The following CACNA2D3 variants were observed in gnomAD, a reference collection of about 807,000 sequenced individuals.
CACNA2D3 encodes the protein voltage-dependent calcium channel subunit alpha-2/delta-3.
In CACNA2D3, 60 loss-of-function variants were observed where a neutral mutation model predicts 160.6. That is an observed-to-expected ratio of 0.37 (90% CI 0.30 to 0.46). The LOEUF (loss-of-function observed/expected upper bound fraction) is 0.46. CACNA2D3 is among the 20% of genes least tolerant of loss of function. The pLI is 1.00. For synonymous variants in CACNA2D3, 558 were observed against 492.9 expected (o/e 1.13, Z -1.75); for missense variants, 1,205 against 1,365.0 (o/e 0.88, Z 1.85).
intron 2 of CACNA2D3, among the ~76,000 whole-genome samples, chr3:54,296,988 C>T (rs2107485001): frequency 6.6e-6 from 1 of 152,294 alleles, no homozygotes; most frequent in Non-Finnish European, 1.5e-5. Flanking sequence ...ATACCTCCTC[C>T]ACTTCCTACC....
intron 17 of CACNA2D3, among the ~76,000 whole-genome samples, chr3:54,848,028 A>C (rs542399891): frequency 6.6e-6 from 1 of 152,344 alleles, no homozygotes; most frequent in South Asian, 2.1e-4. Context: ...ATCAGATGTC[A>C]GAAGTCACCA....
chr3:54,456,840 G>A lies in CACNA2D3; in HGVS notation c.382-46652G>A, dbSNP rs142627513. Among the ~76,000 whole-genome samples the A allele has an allele frequency of 4.3e-3, 649 of 151,936 alleles. 6 individuals carry two copies. The highest frequency in any genetic ancestry group is 0.014 in the African/African-American group (561 of 41,528). On this transcript the variant is annotated intron_variant, in intron 4 of 37. Coordinates refer to ENST00000474759, the MANE Select transcript of CACNA2D3 (RefSeq NM_018398.3). ...GGCAAAATCTTTATAAGTTGTATGTGTCCAGGAATTTATCCATTTCCTCTG... is the reference window on the plus strand; with the variant it reads ...GGCAAAATCTTTATAAGTTGTATGTATCCAGGAATTTATCCATTTCCTCTG...
intron 2 of CACNA2D3, among the ~76,000 whole-genome samples, chr3:54,282,862 T>G (rs1401314765): frequency 6.6e-6 from 1 of 152,052 alleles, no homozygotes; most frequent in African/African-American, 2.4e-5. Context: ...TTTTTTTTTT[T>G]GTCATCAAAT....
intron 2 of CACNA2D3, among the ~76,000 whole-genome samples, chr3:54,261,112 C>G (rs940133548): frequency 1.3e-5 from 2 of 152,154 alleles, no homozygotes; most frequent in African/African-American, 4.8e-5. Context: ...GAATAAATGT[C>G]TAGATAGCCT....
At chr3:54,805,249 T>C (rs1384580567) in intron 13 of CACNA2D3, among the ~76,000 whole-genome samples, 3 of 152,024 alleles carry the variant, frequency 2.0e-5, no homozygotes, top group African/African-American at 4.8e-5. Flanking sequence ...TTCAAAAAAT[T>C]AATGAATCCA....
At chr3:55,051,544 A>C (rs1704214588) in intron 35 of CACNA2D3, among the ~76,000 whole-genome samples, 1 of 151,838 alleles carries the variant, frequency 6.6e-6, no homozygotes, top group African/African-American at 2.4e-5. Context: ...TGCAGAGGTT[A>C]CTGCTGTCTT....
intron 11 of CACNA2D3, among the ~76,000 whole-genome samples, chr3:54,750,593 C>G (rs1701837346): frequency 6.6e-6 from 1 of 152,116 alleles, no homozygotes; most frequent in South Asian, 2.1e-4. Flanking sequence ...GAAGTCTTCT[C>G]TCATGAGCTG....
Position 54,540,649 on chromosome 3 carries a change from C to T in CACNA2D3, c.545-22151C>T, listed in dbSNP as rs1701957423. 2.6e-5 allele frequency among the ~76,000 whole-genome samples: 4 copies of T among 152,100 alleles called. No homozygotes were observed. In the South Asian group the frequency reaches 8.3e-4, roughly 32 times the overall value. ...TTCCTAGTTTGCAGTTGGCTGTTTT[C>T]TTCCTGTGTCCTCAGATGGCAGTAA... On this transcript the variant is annotated intron_variant, in intron 5 of 37. Coordinates refer to ENST00000474759, the MANE Select transcript of CACNA2D3 (RefSeq NM_018398.3).
At chr3:54,649,346 G>T (rs563915736) in intron 11 of CACNA2D3, among the ~76,000 whole-genome samples, 30 of 152,174 alleles carry the variant, frequency 2.0e-4, no homozygotes, top group Non-Finnish European at 4.0e-4. Flanking sequence ...ATGGACACAG[G>T]ACAGAATTTC....
At position 54,752,760 on chromosome 3, in the gene CACNA2D3, TTC is replaced by T. The variant is rs1559569493; in HGVS notation, c.1246+85_1246+86del. ...GGAATATTCATGAGAAAGTAGAGAG[TTC>T]TAATAATTCTAAGATAAAGTCTGGG... On this transcript the variant is annotated intron_variant, in intron 12 of 37. Transcript: ENST00000474759. 4.3e-6 allele frequency: 4 copies of T among 926,742 alleles called. No individual in the cohort carries two copies. In the East Asian group the frequency reaches 1.1e-4, roughly 24 times the overall value. 57.4% of individuals were successfully genotyped at this position (926,742 alleles called of 1,614,324 possible).
chr3:54,921,573 A>G (rs926416898), intron 27 of CACNA2D3, among the ~76,000 whole-genome samples: 5 of 152,122 alleles, frequency 3.3e-5, no homozygotes, highest in African/African-American at 1.2e-4. Flanking sequence ...TTTGTGGTCT[A>G]TTTGAGGCCA....
intron 2 of CACNA2D3, among the ~76,000 whole-genome samples, chr3:54,291,734 C>T (rs1362213193): frequency 6.6e-6 from 1 of 152,112 alleles, no homozygotes; most frequent in Non-Finnish European, 1.5e-5. Context: ...GATCGTGGAG[C>T]AGGTGATGTC....
At chr3:54,864,483 A>G (rs956801638) in intron 17 of CACNA2D3, among the ~76,000 whole-genome samples, 5 of 152,116 alleles carry the variant, frequency 3.3e-5, no homozygotes, top group Non-Finnish European at 7.3e-5. Context: ...CATGTTGGCC[A>G]GGCTGGTCTC....
At chr3:55,022,522 CCTTT>C (rs1390315058) in intron 35 of CACNA2D3, among the ~76,000 whole-genome samples, 1 of 143,992 alleles carries the variant, frequency 6.9e-6, no homozygotes, top group Non-Finnish European at 1.5e-5. Context: ...TTTCTTTGTT[CCTTT>C]CTTCCTTCCT....
At chr3:54,992,037 G>A (rs1702754509) in intron 31 of CACNA2D3, among the ~76,000 whole-genome samples, 2 of 152,078 alleles carry the variant, frequency 1.3e-5, no homozygotes, top group African/African-American at 4.8e-5. Flanking sequence ...ACAGTGTTGG[G>A]GTGATTCATG....
chr3:54,980,549 T>A (rs1702484640), intron 29 of CACNA2D3, among the ~76,000 whole-genome samples: 1 of 151,822 alleles, frequency 6.6e-6, no homozygotes, highest in African/African-American at 2.4e-5. Context: ...TCCTTGGTGG[T>A]CTCAAATACA....
chr3:54,844,570 A>G (rs1698892286), intron 16 of CACNA2D3, among the ~76,000 whole-genome samples: 1 of 151,830 alleles, frequency 6.6e-6, no homozygotes, highest in Non-Finnish European at 1.5e-5. Context: ...TTCCCTTCTC[A>G]TCTCTCTATT....
intron 35 of CACNA2D3, among the ~76,000 whole-genome samples, chr3:55,043,739 T>A (rs913807471): frequency 3.3e-5 from 5 of 152,234 alleles, no homozygotes; most frequent in African/African-American, 9.6e-5. Flanking sequence ...GTTTTTCTTC[T>A]ATGCTTTCTT....
chr3:54,786,657 T>A (rs142657397), intron 13 of CACNA2D3, among the ~76,000 whole-genome samples: 13 of 152,314 alleles, frequency 8.5e-5, no homozygotes, highest in Non-Finnish European at 1.6e-4. Context: ...CCTGATAAGT[T>A]TAAATCTTAA....
Sources: gnomAD v4.1 joint callset for allele counts (sites outside exome capture counted in the v4.1 genomes callset) on GRCh38, gnomAD v4.1.1 for gene constraint, MANE v1.5 for transcripts, NCBI Gene and HGNC (gene_info 2026-07-23, HGNC 2026-07-21) for gene names.